Variants in GABRG3 observed in about 807,000 individuals in gnomAD.
GABRG3 encodes the protein gamma-aminobutyric acid receptor subunit gamma-3.
A neutral mutation model predicts 48.8 loss-of-function variants in GABRG3; 25 were observed. The ratio of observed to expected loss-of-function variants is 0.51; its 90% CI spans 0.37 to 0.72. GABRG3 has a LOEUF of 0.72. Among genes scored for constraint, GABRG3 ranks in the 30% least tolerant of loss-of-function variants. The pLI, the probability that GABRG3 is intolerant of heterozygous loss-of-function variation, is 0.00. For missense variants in GABRG3, 394 were observed against 577.9 expected (o/e 0.68, Z 3.26); for synonymous variants, 227 against 217.6 (o/e 1.04, Z -0.38).
chr15:27,019,124 T>A (rs868392974), intron 2 of GABRG3, among the ~76,000 whole-genome samples: 4 of 130,218 alleles, frequency 3.1e-5, no homozygotes, highest in African/African-American at 8.6e-5. Context: ...GCTGGAGTGC[T>A]GTGGTGCGAT....
intron 3 of GABRG3, among the ~76,000 whole-genome samples, chr15:27,318,712 T>C (rs1162310051): frequency 6.6e-6 from 1 of 152,196 alleles, no homozygotes; most frequent in Non-Finnish European, 1.5e-5. Context: ...TTTCTAGCTG[T>C]GGATCCCAGG....
intron 3 of GABRG3, among the ~76,000 whole-genome samples, chr15:27,103,914 CT>C (rs1897404321): frequency 6.6e-6 from 1 of 152,186 alleles, no homozygotes; most frequent in Non-Finnish European, 1.5e-5. Context: ...TGTAAATGCT[CT>C]TTTGACATAT....
At chr15:27,490,531 C>G (rs1307705867) in intron 6 of GABRG3, among the ~76,000 whole-genome samples, 1 of 152,178 alleles carries the variant, frequency 6.6e-6, no homozygotes, top group African/African-American at 2.4e-5. Context: ...GATAACGAAG[C>G]TTTTGCCAGC....
At chr15:27,338,128 C>T (rs530691937) in intron 5 of GABRG3, among the ~76,000 whole-genome samples, 2 of 152,212 alleles carry the variant, frequency 1.3e-5, no homozygotes, top group East Asian at 1.9e-4. Context: ...CCGAGCTGGT[C>T]GGGAATGTGG....
chr15:27,328,842 C>G lies in GABRG3; in HGVS notation c.528C>G (p.His176Gln). 1 of 1,614,052 alleles carries G rather than the reference C, an allele frequency of 6.2e-7. No homozygotes were observed. The highest frequency in any genetic ancestry group is 8.5e-7 in the Non-Finnish European group (1 of 1,179,888). ...TINAECQLQLHNFPMDEHSCP... is the reference protein window; with the variant it reads ...TINAECQLQLQNFPMDEHSCP... ...ATGCTGAGTGCCAGCTGCAGCTGCA[C>G]AACTTCCCCATGGACGAACACTCCT... Residue 176 changes from histidine to glutamine, a missense_variant, in exon 5 of 10, where the codon CAC becomes CAG. This residue lies in a region of GABRG3 where 218 missense variants were observed against 309.9 expected (regional missense o/e 0.70). Transcript: ENST00000615808.
chr15:27,385,702 C>G (rs1374294062), intron 5 of GABRG3, among the ~76,000 whole-genome samples: 4 of 152,110 alleles, frequency 2.6e-5, no homozygotes, highest in Non-Finnish European at 5.9e-5. Flanking sequence ...CCTTTCAAAT[C>G]CAGAATTTTC....
intron 5 of GABRG3, among the ~76,000 whole-genome samples, chr15:27,411,544 T>G (rs1366049437): frequency 6.6e-6 from 1 of 152,202 alleles, no homozygotes; most frequent in East Asian, 1.9e-4. Context: ...CTGTTCCAAG[T>G]GTCTGGTTAA....
intron 6 of GABRG3, among the ~76,000 whole-genome samples, chr15:27,511,378 G>A (rs987669744): frequency 2.6e-5 from 4 of 152,170 alleles, no homozygotes; most frequent in African/African-American, 9.7e-5. Context: ...GCGAAAGGGA[G>A]GTGTTGGTGA....
chr15:27,167,673 C>T (rs1328668273), intron 3 of GABRG3, among the ~76,000 whole-genome samples: 1 of 152,210 alleles, frequency 6.6e-6, no homozygotes. Flanking sequence ...GCTGCTCCTC[C>T]TCTGACGTCC....
chr15:26,973,827 G>T (rs140449561), intron 1 of GABRG3, among the ~76,000 whole-genome samples: 1 of 152,184 alleles, frequency 6.6e-6, no homozygotes, highest in African/African-American at 2.4e-5. Flanking sequence ...TTGAGTTGTT[G>T]TTTGACTATG....
At chr15:27,113,613 G>A (rs138743250) in intron 3 of GABRG3, among the ~76,000 whole-genome samples, 1 of 152,314 alleles carries the variant, frequency 6.6e-6, no homozygotes, top group East Asian at 1.9e-4. Context: ...AGTGGCCCTA[G>A]CTTCTTCATT....
intron 3 of GABRG3, among the ~76,000 whole-genome samples, chr15:27,216,998 A>G (rs1022933668): frequency 1.0e-4 from 14 of 138,544 alleles, no homozygotes; most frequent in African/African-American, 3.0e-4. Context: ...TCATTGTTCA[A>G]TTCCCACCTA....
chr15:27,511,406 G>A (rs773760274), intron 6 of GABRG3, among the ~76,000 whole-genome samples: 7 of 152,296 alleles, frequency 4.6e-5, no homozygotes, highest in African/African-American at 1.7e-4. Flanking sequence ...GAAGGGACAG[G>A]CCCATTCCAT....
At chr15:27,071,924 C>A (rs8042348) in intron 3 of GABRG3, among the ~76,000 whole-genome samples, 30,974 of 152,110 alleles carry the variant, frequency 0.2, 3,302 homozygotes, top group Middle Eastern at 0.27. Flanking sequence ...AAAAAACAGT[C>A]TCCACAGCTC....
intron 3 of GABRG3, among the ~76,000 whole-genome samples, chr15:27,273,827 G>A (rs961788199): frequency 1.3e-5 from 2 of 152,116 alleles, no homozygotes; most frequent in African/African-American, 4.8e-5. Context: ...ATCTATTGTT[G>A]CATAATACAT....
At chr15:27,387,398 G>T (rs1895956474) in intron 5 of GABRG3, among the ~76,000 whole-genome samples, 1 of 151,906 alleles carries the variant, frequency 6.6e-6, no homozygotes, top group African/African-American at 2.4e-5. Context: ...CTACTTTTGT[G>T]GGCTGTTATT....
chr15:27,337,178 G>C (rs953602291), intron 5 of GABRG3, among the ~76,000 whole-genome samples: 2 of 151,976 alleles, frequency 1.3e-5, no homozygotes, highest in Non-Finnish European at 2.9e-5. Flanking sequence ...TAGCATCATG[G>C]TCTGCTTAGT....
chr15:27,117,235 G>A (rs1369249537), intron 3 of GABRG3, among the ~76,000 whole-genome samples: 1 of 152,198 alleles, frequency 6.6e-6, no homozygotes, highest in African/African-American at 2.4e-5. Context: ...TTTCATTGAA[G>A]TATTTTCTTT....
At chr15:27,262,148 A>G (rs770501749) in intron 3 of GABRG3, among the ~76,000 whole-genome samples, 25 of 152,192 alleles carry the variant, frequency 1.6e-4, no homozygotes, top group Non-Finnish European at 3.2e-4. Context: ...GCAGGAGACC[A>G]TGTGTCCCTG....
Sources: allele counts gnomAD v4.1 joint callset (sites outside exome capture counted in the v4.1 genomes callset), GRCh38; gene constraint gnomAD v4.1.1; regional missense constraint gnomAD v4.1.1; transcripts MANE v1.5; gene names NCBI Gene and HGNC (gene_info 2026-07-23, HGNC 2026-07-21).